TGFB1: variants seen among roughly 807,000 people sequenced by gnomAD.
TGFB1 encodes transforming growth factor beta-1 proprotein.
A neutral mutation model predicts 43.8 loss-of-function variants in TGFB1; 19 were observed. That is an observed-to-expected ratio of 0.43 (90% CI 0.30 to 0.64). The LOEUF is 0.64. Among genes scored for constraint, TGFB1 ranks in the 30% least tolerant of loss-of-function variants. The pLI, the probability that TGFB1 is intolerant of heterozygous loss-of-function variation, is 0.11. For missense variants in TGFB1, 445 were observed against 529.8 expected, an observed-to-expected ratio of 0.84 and a Z score of 1.57; for synonymous variants, 221 against 236.3, an observed-to-expected ratio of 0.94 and a Z score of 0.60.
In TGFB1 at chr19:41,353,006, TAGCAGCAGCGGC is replaced by T. The variant is rs1215545015; in HGVS notation, c.27_38del (p.Leu13_Leu16del). On this transcript the variant is annotated inframe_deletion, in exon 1 of 7. Transcript: ENST00000221930. This position sits in a 1 kb window ranked among gnomAD's most constrained non-coding sequence, Gnocchi z 5.9. Reference sequence around the variant, plus strand: ...TCAGCACCAGTAGCCACAGCAGCGGTAGCAGCAGCGGCAGCAGCCGCAGCCCGGAGGGCGGCA... The same window carrying T: ...TCAGCACCAGTAGCCACAGCAGCGGTAGCAGCCGCAGCCCGGAGGGCGGCA... The T allele has an allele frequency of 2.0e-6, 3 of 1,534,054 alleles. No homozygotes were observed. The Admixed American group carries it at 5.9e-5, about 30-fold the overall frequency.
chr19:41,351,506 G>A (rs1193176411), intron 1 of TGFB1, among the ~76,000 whole-genome samples: 1 of 152,134 alleles, frequency 6.6e-6, no homozygotes. Flanking sequence ...GCCTCCGCCG[G>A]GGGCATGGGA....
At chr19:41,351,346 G>C (rs966098711) in intron 1 of TGFB1, 4 of 152,248 alleles carry the variant, frequency 2.6e-5, no homozygotes, top group Non-Finnish European at 5.9e-5. Context: ...TGAACCACGC[G>C]GGACGCCTGG....
chr19:41,352,501 C>G lies in TGFB1; in HGVS notation c.355+189G>C, dbSNP rs577102397. Among the ~76,000 whole-genome samples the G allele has an allele frequency of 1.3e-3, 196 of 150,196 alleles. 1 individual carries two copies. The highest frequency in any genetic ancestry group is 9.7e-4 in the East Asian group (5 of 5,170). ...TCTCCTCCTCTCCAAGACCAGACAC[C>G]TGGGTGGTAGGGGGCTCAGTGCCAT... On this transcript the variant is annotated intron_variant, in intron 1 of 6. Coordinates refer to ENST00000221930, the MANE Select transcript of TGFB1 (RefSeq NM_000660.7).
intron 4 of TGFB1, 60 bp downstream of exon 4, chr19:41,342,110 A>G: frequency 6.2e-7 from 1 of 1,612,720 alleles, no homozygotes; most frequent in East Asian, 2.2e-5. Flanking sequence ...CGTGGGGCAG[A>G]TGGGAACACA....
chr19:41,349,094 T>C (rs1234690106), intron 1 of TGFB1, among the ~76,000 whole-genome samples: 1 of 152,176 alleles, frequency 6.6e-6, no homozygotes, highest in Non-Finnish European at 1.5e-5. Context: ...CTGGCCTTCC[T>C]TGCCCCAAAT....
At chr19:41,338,557 G>T (rs575358987) in intron 5 of TGFB1, among the ~76,000 whole-genome samples, 1 of 151,008 alleles carries the variant, frequency 6.6e-6, no homozygotes, top group Non-Finnish European at 1.5e-5. Context: ...TGTATTATTC[G>T]GCCGGGAGCA....
In TGFB1 at chr19:41,353,072, C is replaced by A; in HGVS notation, c.-28G>T. The A allele has an allele frequency of 6.6e-7, 1 of 1,504,280 alleles. No individual in the cohort carries two copies. Among genetic ancestry groups the A allele is most frequent in the Non-Finnish European group, 8.8e-7 (1 of 1,131,958 alleles). 93.2% of individuals were successfully genotyped at this position (1,504,280 alleles called of 1,614,324 possible). ...GGGAGGCGGCGCCCCCCGGCACTGC[C>A]GAGAGCGCGAACAGGGCTGGTGTGG... On this transcript the variant is annotated 5_prime_UTR_variant, in exon 1 of 7. Coordinates refer to ENST00000221930, the MANE Select transcript of TGFB1 (RefSeq NM_000660.7). The surrounding 1 kb of genome is among the most constrained non-coding windows in gnomAD (Gnocchi z 5.9).
intron 2 of TGFB1, among the ~76,000 whole-genome samples, chr19:41,347,877 TA>T (rs1033335234): frequency 8.1e-5 from 12 of 147,312 alleles, no homozygotes; most frequent in African/African-American, 3.0e-4. Context: ...CTCACGCCTG[TA>T]ATCTGAGCAC....
chr19:41,335,459 C>A (rs2037978466), intron 5 of TGFB1, among the ~76,000 whole-genome samples: 1 of 152,196 alleles, frequency 6.6e-6, no homozygotes, highest in African/African-American at 2.4e-5. Flanking sequence ...TCCACGTGAG[C>A]TCCCAGGACC....
At position 41,353,019 on chromosome 19, in the gene TGFB1, A is replaced by AGCC; in HGVS notation, c.25_26insGGC (p.Leu8_Leu9insArg). The AGCC allele has an allele frequency of 6.5e-7, 1 of 1,531,290 alleles. No homozygotes were observed. Among genetic ancestry groups the AGCC allele is most frequent in the Non-Finnish European group, 8.7e-7 (1 of 1,143,094 alleles). The allele number at this position is 1,531,290 out of a possible 1,614,324, so 94.9% of individuals were successfully genotyped here. Reference sequence around the variant, plus strand: ...CCACAGCAGCGGTAGCAGCAGCGGCAGCAGCCGCAGCCCGGAGGGCGGCAT... The same window carrying AGCC: ...CCACAGCAGCGGTAGCAGCAGCGGCAGCCGCAGCCGCAGCCCGGAGGGCGGCAT... On this transcript the variant is annotated inframe_insertion, in exon 1 of 7. Transcript: ENST00000221930. This position sits in a 1 kb window ranked among gnomAD's most constrained non-coding sequence, Gnocchi z 5.9.
chr19:41,332,325 C>T, intron 5 of TGFB1, 44 bp from the exon 6 acceptor site: 7 of 1,590,754 alleles, frequency 4.4e-6, no homozygotes, highest in South Asian at 2.2e-5. Flanking sequence ...GGGGCTACCA[C>T]CATAGAAGCC....
At chr19:41,350,639 G>C (rs997777307) in intron 1 of TGFB1, among the ~76,000 whole-genome samples, 1 of 152,206 alleles carries the variant, frequency 6.6e-6, no homozygotes, top group African/African-American at 2.4e-5. Flanking sequence ...AAAGTTTGGG[G>C]ATGGGGATGA....
Position 41,337,343 on chromosome 19 carries a change from G to A in TGFB1, c.860+4540C>T, listed in dbSNP as rs192902933. ...TTTAGTAGAGAGGAGGTTTCACCAC[G>A]TTGGCCAGACTGGTCTCGAACTCCT... On this transcript the variant is annotated intron_variant, in intron 5 of 6. Coordinates refer to ENST00000221930, the MANE Select transcript of TGFB1 (RefSeq NM_000660.7). 3.7e-3 allele frequency among the ~76,000 whole-genome samples: 561 copies of A among 152,198 alleles called. 2 individuals carry two copies. The highest frequency in any genetic ancestry group is 0.012 in the African/African-American group (502 of 41,532).
chr19:41,345,476 G>A (rs1384828808), intron 2 of TGFB1, among the ~76,000 whole-genome samples: 1 of 152,136 alleles, frequency 6.6e-6, no homozygotes, highest in Non-Finnish European at 1.5e-5. Flanking sequence ...CAGCCTGGGC[G>A]ACAGGACGAG....
At chr19:41,339,694 C>G (rs1402854514) in intron 5 of TGFB1, among the ~76,000 whole-genome samples, 1 of 152,090 alleles carries the variant, frequency 6.6e-6, no homozygotes, top group Admixed American at 6.5e-5. Flanking sequence ...TGTGGTGGCA[C>G]ACGCCTGTAA....
rs1800471 is a variant in TGFB1, at chr19:41,352,971, C to T, written c.74G>A (p.Arg25Gln). The T allele has an allele frequency of 4.5e-6, 7 of 1,543,796 alleles. No individual in the cohort carries two copies. The highest frequency in any genetic ancestry group is 2.7e-5 in the African/African-American group (2 of 73,098). Residue 25 changes from arginine (R) to glutamine (Q), a missense_variant, in exon 1 of 7, where the codon CGG (arginine) becomes CAG (glutamine). By Grantham distance (43) the Arg-to-Gln change is conservative. This residue lies in a region of TGFB1 where 366 missense variants were observed against 428.8 expected (regional missense o/e 0.85). Coordinates refer to ENST00000221930, the MANE Select transcript of TGFB1 (RefSeq NM_000660.7). ...LLWLLVLTPG[R>Q]PAAGLSTCKT... The stretch of plus-strand genomic sequence containing the variant: ...GCAGGTGGATAGTCCCGCGGCCGGC[C>T]GGCCAGGCGTCAGCACCAGTAGCCA...
In TGFB1 at chr19:41,352,116, A is replaced by T. The variant is rs189167898; in HGVS notation, c.355+574T>A. The stretch of plus-strand genomic sequence containing the variant: ...GTTTCTCTTTCTACGACTCTCCCCC[A>T]CCCCCGCATCCCGCGTGTTCCTGGC... On this transcript the variant is annotated intron_variant, in intron 1 of 6. Transcript: ENST00000221930. Among the ~76,000 whole-genome samples, 882 of 143,468 alleles carry T rather than the reference A, an allele frequency of 6.1e-3. 11 individuals are homozygous for T. Among genetic ancestry groups the T allele is most frequent in the African/African-American group, 0.022 (831 of 38,314 alleles). The allele number at this position is 143,468 out of a possible 152,430, so 94.1% of individuals were successfully genotyped here.
At chr19:41,351,619 C>G (rs1441858139) in intron 1 of TGFB1, among the ~76,000 whole-genome samples, 1 of 152,180 alleles carries the variant, frequency 6.6e-6, no homozygotes, top group Non-Finnish European at 1.5e-5. Flanking sequence ...GCGTTTAGCG[C>G]AGCGGGGTCC....
In TGFB1 at chr19:41,337,478, T is replaced by C. The variant is rs149365967; in HGVS notation, c.860+4405A>G. The stretch of plus-strand genomic sequence containing the variant: ...TTTTAGTACAGACAGGGTTTCACCA[T>C]GTTGGCCAGGCTGGTCTCCAACTCC... On this transcript the variant is annotated intron_variant, in intron 5 of 6. Transcript: ENST00000221930. Among the ~76,000 whole-genome samples the C allele has an allele frequency of 3.1e-3, 471 of 151,990 alleles. 5 individuals are homozygous for C. The highest frequency in any genetic ancestry group is 0.011 in the African/African-American group (457 of 41,468).
Sources: gnomAD v4.1 joint callset for allele counts (sites outside exome capture counted in the v4.1 genomes callset) on GRCh38, gnomAD v4.1.1 for gene constraint, gnomAD v4.1.1 regional missense constraint, Gnocchi (gnomAD v3.1) non-coding constraint, MANE v1.5 for transcripts, NCBI Gene and HGNC (gene_info 2026-07-23, HGNC 2026-07-21) for gene names.